The following SNX14 variants were observed in gnomAD, a reference collection of about 807,000 sequenced individuals.
The protein encoded by SNX14 is sorting nexin-14.
SNX14 carries 93 observed loss-of-function variants against 133.8 expected under a neutral mutation model. The ratio of observed to expected loss-of-function variants is 0.70; its 90% CI spans 0.59 to 0.83. SNX14 has a LOEUF of 0.83. Ranked by LOEUF, SNX14 falls within the 40% of genes least tolerant of loss-of-function variation. SNX14 has a pLI of 0.00. For missense variants in SNX14, 945 were observed against 1,094.9 expected (o/e 0.86, Z 1.93); for synonymous variants, 368 against 365.6 (o/e 1.01, Z -0.07).
chr6:85,510,346 T>C (rs1772364247), intron 26 of SNX14, among the ~76,000 whole-genome samples: 1 of 152,218 alleles, frequency 6.6e-6, no homozygotes, highest in Non-Finnish European at 1.5e-5. Context: ...TGGTGGTATC[T>C]CATTGTTTTA....
rs56134124 is a variant in SNX14 at position 85,576,631 on chromosome 6, C to T, written c.141-2253G>A. On this transcript the variant is annotated intron_variant, in intron 1 of 28. Coordinates refer to ENST00000314673, the MANE Select transcript of SNX14 (RefSeq NM_153816.6). ...ATATGCTTTGTCACTTAAAGGAAAGCGGAGTGAGAAGAGAATGATGCCAGA... is the reference window on the plus strand; with the variant it reads ...ATATGCTTTGTCACTTAAAGGAAAGTGGAGTGAGAAGAGAATGATGCCAGA... Among the ~76,000 whole-genome samples the T allele has an allele frequency of 9.9e-3, 1,511 of 152,160 alleles. 16 individuals are homozygous for T. Among genetic ancestry groups the T allele is most frequent in the Non-Finnish European group, 0.015 (1,052 of 68,026 alleles).
intron 23 of SNX14, among the ~76,000 whole-genome samples, chr6:85,515,429 G>A (rs1774630406): frequency 6.6e-6 from 1 of 151,788 alleles, no homozygotes; most frequent in African/African-American, 2.4e-5. Context: ...AAGATATTAA[G>A]AATTAATGGT....
Position 85,547,234 on chromosome 6 carries a change from T to C in SNX14, c.994-8A>G, listed in dbSNP as rs1785950647. 5.6e-6 allele frequency: 9 copies of C among 1,613,104 alleles called. No individual in the cohort carries two copies. The East Asian group carries it at 1.6e-4, about 28-fold the overall frequency. On this transcript the variant is annotated splice_region_variant and splice_polypyrimidine_tract_variant and intron_variant, in intron 11 of 28. Transcript: ENST00000314673. ...CAATTCTAACTTCAGCACCTTGATA[T>C]AAGAGAAAGATTAAGTTTAAGCTAT...
Position 85,591,900 on chromosome 6 carries a change from C to CCTG in SNX14, c.140+1678_140+1679insCAG, listed in dbSNP as rs571422664. Among the ~76,000 whole-genome samples the CCTG allele has an allele frequency of 1.8e-3, 271 of 152,306 alleles. 4 individuals carry two copies. The highest frequency in any genetic ancestry group is 6.4e-3 in the African/African-American group (266 of 41,556). Reference sequence around the variant, plus strand: ...TGGTGGTGCCCACCTGTAGTCCCAGCTATTCTGCAGGCTGAGGCATGAGAA... The same window carrying CCTG: ...TGGTGGTGCCCACCTGTAGTCCCAGCCTGTATTCTGCAGGCTGAGGCATGAGAA... On this transcript the variant is annotated intron_variant, in intron 1 of 28. Transcript: ENST00000314673.
At chr6:85,526,080 T>C (rs1309308439) in intron 21 of SNX14, 46 bp downstream of exon 21, 3 of 1,257,426 alleles carry the variant, frequency 2.4e-6, no homozygotes, top group African/African-American at 3.1e-5. Flanking sequence ...AAAATGCTGA[T>C]TCTTTTCAGC....
chr6:85,556,636 T>C (rs547738069), intron 7 of SNX14, among the ~76,000 whole-genome samples: 8 of 152,062 alleles, frequency 5.3e-5, no homozygotes, highest in Non-Finnish European at 1.0e-4. Flanking sequence ...GTATTTTTAG[T>C]AGACATGGGT....
intron 4 of SNX14, among the ~76,000 whole-genome samples, chr6:85,570,449 C>G (rs1206764056): frequency 6.6e-6 from 1 of 152,172 alleles, no homozygotes; most frequent in Non-Finnish European, 1.5e-5. Flanking sequence ...TTTAAATTTT[C>G]TAGTAGCTAC....
intron 26 of SNX14, among the ~76,000 whole-genome samples, chr6:85,511,262 C>T (rs1004307840): frequency 1.3e-5 from 2 of 152,126 alleles, no homozygotes; most frequent in Admixed American, 1.3e-4. Context: ...GTGTATTAAC[C>T]TTATATCCTA....
chr6:85,575,666 T>C (rs1469228526), intron 1 of SNX14, among the ~76,000 whole-genome samples: 3 of 152,240 alleles, frequency 2.0e-5, no homozygotes, highest in Non-Finnish European at 4.4e-5. Flanking sequence ...GTGGGAATGA[T>C]GACAATGCTG....
At position 85,542,071 on chromosome 6, in the gene SNX14, T is replaced by C. The variant is rs760361455; in HGVS notation, c.1390-28A>G. On this transcript the variant is annotated intron_variant, in intron 14 of 28. Coordinates refer to ENST00000314673, the MANE Select transcript of SNX14 (RefSeq NM_153816.6). The stretch of plus-strand genomic sequence containing the variant: ...TTAAAATAACAAATAATAATTATCA[T>C]TTATTACACTTACAATTAACATTAA... The C allele has an allele frequency of 2.9e-5, 40 of 1,397,144 alleles. No individual in the cohort carries two copies. The South Asian group carries it at 4.8e-4, about 17-fold the overall frequency. The allele number at this position is 1,397,144 out of a possible 1,614,324, so 86.5% of individuals were successfully genotyped here.
At chr6:85,578,942 C>T (rs1798163253) in intron 1 of SNX14, among the ~76,000 whole-genome samples, 1 of 152,002 alleles carries the variant, frequency 6.6e-6, no homozygotes, top group Non-Finnish European at 1.5e-5. Context: ...TCGAGACCAG[C>T]CTGGCCAACA....
Position 85,507,967 on chromosome 6 carries a change from C to A in SNX14, c.2745+1G>T. 3 of 1,612,416 alleles carry A rather than the reference C, an allele frequency of 1.9e-6. No individual in the cohort carries two copies. The highest frequency in any genetic ancestry group is 2.5e-6 in the Non-Finnish European group (3 of 1,179,000). Reference sequence around the variant, plus strand: ...AGTTTACGAGCTTTAATGAGCTTTACCTGCTTGTTGAGTACTGGTTGCTGT... The same window carrying A: ...AGTTTACGAGCTTTAATGAGCTTTAACTGCTTGTTGAGTACTGGTTGCTGT... On this transcript the variant is annotated splice_donor_variant, in intron 27 of 28. Transcript: ENST00000314673. LOFTEE classifies it high-confidence loss of function.
intron 17 of SNX14, 133 bp from the exon 18 acceptor site, chr6:85,533,933 A>C (rs1387009241): frequency 1.9e-5 from 14 of 720,856 alleles, no homozygotes; most frequent in South Asian, 1.9e-4. Context: ...GGTGATATTA[A>C]ATTTTCTACT....
chr6:85,583,735 A>T (rs1300929835), intron 1 of SNX14, among the ~76,000 whole-genome samples: 1 of 152,234 alleles, frequency 6.6e-6, no homozygotes. Flanking sequence ...CCACTGCTCA[A>T]GGAAATACGA....
intron 18 of SNX14, among the ~76,000 whole-genome samples, chr6:85,533,363 G>C (rs988361993): frequency 6.6e-6 from 1 of 152,218 alleles, no homozygotes; most frequent in African/African-American, 2.4e-5. Flanking sequence ...CTGATGGACT[G>C]TCAGGTGTCT....
At position 85,593,836 on chromosome 6, in the gene SNX14, G is replaced by C; in HGVS notation, c.-118C>G. On this transcript the variant is annotated 5_prime_UTR_variant, in exon 1 of 29. Coordinates refer to ENST00000314673, the MANE Select transcript of SNX14 (RefSeq NM_153816.6). The stretch of plus-strand genomic sequence containing the variant: ...TGGCGGCGCACACAGACGCCTACCG[G>C]CAGTTAGCCGCCGCAGGCTGAGGTC... 6.6e-7 allele frequency: 1 copy of C among 1,525,062 alleles called. No individual in the cohort carries two copies. The highest frequency in any genetic ancestry group is 8.7e-7 in the Non-Finnish European group (1 of 1,143,130). The allele number at this position is 1,525,062 out of a possible 1,614,324, so 94.5% of individuals were successfully genotyped here. A position where few individuals can be genotyped will look rare whatever the true frequency, so the allele number is the denominator to read the frequency against.
chr6:85,565,096 A>G (rs974109014), intron 6 of SNX14, among the ~76,000 whole-genome samples: 1 of 103,698 alleles, frequency 9.6e-6, no homozygotes, highest in Non-Finnish European at 2.0e-5. Context: ...ATTTAATTGT[A>G]CATTTAAAAG....
At chr6:85,514,443 T>C in intron 24 of SNX14, 63 bp downstream of exon 24, 1 of 1,576,230 alleles carries the variant, frequency 6.3e-7, no homozygotes, top group Non-Finnish European at 8.6e-7. Flanking sequence ...CTCAAGATCA[T>C]TATTTGCATC....
chr6:85,527,292 A>G (rs1403921772), intron 20 of SNX14, among the ~76,000 whole-genome samples: 1 of 152,148 alleles, frequency 6.6e-6, no homozygotes, highest in Non-Finnish European at 1.5e-5. Context: ...CAACAAAAAC[A>G]TAGCTTTGTG....
Sources: allele counts gnomAD v4.1 joint callset (sites outside exome capture counted in the v4.1 genomes callset), GRCh38; gene constraint gnomAD v4.1.1; transcripts MANE v1.5; gene names NCBI Gene and HGNC (gene_info 2026-07-23, HGNC 2026-07-21).